NEK1: variants seen among roughly 807,000 people sequenced by gnomAD.
NEK1 encodes the protein NIMA related kinase 1, also known as serine/threonine-protein kinase Nek1.
A neutral mutation model predicts 182.1 loss-of-function variants in NEK1; 137 were observed. That is an observed-to-expected ratio of 0.75 (90% CI 0.65 to 0.87). The LOEUF (loss-of-function observed/expected upper bound fraction) is 0.87, where lower values mean the gene tolerates loss of function less well. Among genes scored for constraint, NEK1 ranks in the 40% least tolerant of loss-of-function variants. The pLI is 0.00. For missense variants in NEK1, 1,391 were observed against 1,494.4 expected (o/e 0.93, Z 1.14); for synonymous variants, 513 against 492.2 (o/e 1.04, Z -0.56).
intron 29 of NEK1, among the ~76,000 whole-genome samples, 154 bp from the exon 30 acceptor site, chr4:169,426,388 T>G (rs1736397606): frequency 6.6e-6 from 1 of 152,210 alleles, no homozygotes; most frequent in South Asian, 2.1e-4. Context: ...CTTTCTCACA[T>G]AAGTACAATG....
intron 18 of NEK1, among the ~76,000 whole-genome samples, chr4:169,547,603 G>C (rs973624435): frequency 6.6e-6 from 1 of 152,096 alleles, no homozygotes; most frequent in East Asian, 1.9e-4. Flanking sequence ...GTCACTTTCA[G>C]GTACACCAAA....
At chr4:169,519,705 G>A (rs1755725602) in intron 19 of NEK1, among the ~76,000 whole-genome samples, 1 of 55,848 alleles carries the variant, frequency 1.8e-5, no homozygotes, top group African/African-American at 6.8e-5. Context: ...AGGCCTGGTG[G>A]TGACAAAATC....
chr4:169,564,354 C>G (rs1053131418), intron 12 of NEK1, among the ~76,000 whole-genome samples: 5 of 151,996 alleles, frequency 3.3e-5, no homozygotes, highest in African/African-American at 9.7e-5. Context: ...AATAATCCAG[C>G]ATTTGATTAT....
chr4:169,604,153 C>G (rs1770956055), intron 2 of NEK1, among the ~76,000 whole-genome samples: 1 of 152,088 alleles, frequency 6.6e-6, no homozygotes, highest in African/African-American at 2.4e-5. Flanking sequence ...TCCTAGTTGC[C>G]TTTAAGTATA....
At chr4:169,497,868 G>C (rs1298404707) in intron 23 of NEK1, among the ~76,000 whole-genome samples, 1 of 152,206 alleles carries the variant, frequency 6.6e-6, no homozygotes, top group Admixed American at 6.5e-5. Context: ...GTGCTGAAAA[G>C]AATGTATATT....
intron 27 of NEK1, among the ~76,000 whole-genome samples, chr4:169,443,051 T>TTATC (rs58470007): frequency 0.3 from 42,864 of 141,510 alleles, 6,464 homozygotes; most frequent in South Asian, 0.33. Flanking sequence ...TAAAAATATT[T>TTATC]TATCTATCTA....
At chr4:169,589,667 C>T (rs1370154473) in intron 6 of NEK1, among the ~76,000 whole-genome samples, 153 bp from the exon 7 acceptor site, 2 of 152,052 alleles carry the variant, frequency 1.3e-5, no homozygotes, top group Non-Finnish European at 2.9e-5. Context: ...TCCCCTACCT[C>T]AAATCATAAA....
At chr4:169,456,190 C>CA (rs1742848107) in intron 27 of NEK1, among the ~76,000 whole-genome samples, 1 of 151,886 alleles carries the variant, frequency 6.6e-6, no homozygotes, top group African/African-American at 2.4e-5. Flanking sequence ...CACAATATAC[C>CA]AATACCTCTG....
chr4:169,488,156 G>C (rs1423493717), intron 23 of NEK1, among the ~76,000 whole-genome samples: 1 of 151,934 alleles, frequency 6.6e-6, no homozygotes, highest in African/African-American at 2.4e-5. Context: ...TTCTTTTGCT[G>C]TGCAAAAGCT....
rs1580781926 is a variant in NEK1, at chr4:169,562,164, A to C, written c.1053T>G (p.Thr351=). 6.5e-7 allele frequency: 1 copy of C among 1,549,878 alleles called. No individual in the cohort carries two copies. Among genetic ancestry groups the C allele is most frequent in the Non-Finnish European group, 8.7e-7 (1 of 1,145,102 alleles). ...CAGATATTTTCCTCCTTTCTTCTCC[A>C]GTATTCACTCTCTTCTCTGGAGTTT... The part of the protein sequence containing the change: ...AHQTPEKRVN[T]GEERRKISEE... The change falls in exon 13 of 36, where the codon ACT becomes ACG. Residue 351 remains threonine, a synonymous_variant. Coordinates refer to ENST00000507142, the MANE Select transcript of NEK1 (RefSeq NM_001199397.3).
At chr4:169,437,955 A>G in intron 28 of NEK1, 128 bp downstream of exon 28, 1 of 724,926 alleles carries the variant, frequency 1.4e-6, no homozygotes, top group Non-Finnish European at 2.1e-6. Context: ...TAAAAATATA[A>G]AAATACTGAA....
At chr4:169,577,735 C>T (rs906003361) in intron 11 of NEK1, among the ~76,000 whole-genome samples, 2 of 151,804 alleles carry the variant, frequency 1.3e-5, no homozygotes, top group Non-Finnish European at 2.9e-5. Flanking sequence ...GCCTGGGCGA[C>T]AGAATGAGAC....
intron 31 of NEK1, 72 bp downstream of exon 31, chr4:169,424,481 T>C (rs72691049): frequency 5.5e-6 from 8 of 1,456,510 alleles, no homozygotes; most frequent in Admixed American, 2.4e-5. Flanking sequence ...CTCAATATTA[T>C]GGTTTATAAA....
intron 27 of NEK1, among the ~76,000 whole-genome samples, chr4:169,455,581 T>A (rs917886993): frequency 2.6e-5 from 4 of 152,186 alleles, no homozygotes; most frequent in Non-Finnish European, 5.9e-5. Flanking sequence ...GTTATAAATA[T>A]ATATGCATCC....
intron 12 of NEK1, among the ~76,000 whole-genome samples, chr4:169,566,750 T>G (rs183729231): frequency 6.6e-6 from 1 of 152,260 alleles, no homozygotes; most frequent in East Asian, 1.9e-4. Context: ...AATTTCAACC[T>G]AAAAGATGCT....
At chr4:169,491,160 A>G (rs28792142) in intron 23 of NEK1, among the ~76,000 whole-genome samples, 13 of 125,750 alleles carry the variant, frequency 1.0e-4, no homozygotes, top group Non-Finnish European at 1.7e-4. Flanking sequence ...AAAAAAAAAA[A>G]AAAGAGAGAT....
At chr4:169,463,853 G>A (rs1475809461) in intron 26 of NEK1, among the ~76,000 whole-genome samples, 1 of 152,016 alleles carries the variant, frequency 6.6e-6, no homozygotes, top group Non-Finnish European at 1.5e-5. Context: ...GGCTAGTCTT[G>A]GACTCCTGGG....
chr4:169,571,076 G>A (rs1764734108), intron 12 of NEK1, among the ~76,000 whole-genome samples: 1 of 151,806 alleles, frequency 6.6e-6, no homozygotes, highest in Admixed American at 6.6e-5. Flanking sequence ...AGGAAAACCA[G>A]AGACCTTTGT....
intron 35 of NEK1, among the ~76,000 whole-genome samples, chr4:169,395,443 A>C (rs1444911067): frequency 6.6e-6 from 1 of 152,186 alleles, no homozygotes; most frequent in Non-Finnish European, 1.5e-5. Flanking sequence ...TACATTTTGC[A>C]TACTTCCATG....
Sources: allele counts gnomAD v4.1 joint callset (sites outside exome capture counted in the v4.1 genomes callset), GRCh38; gene constraint gnomAD v4.1.1; transcripts MANE v1.5; gene names NCBI Gene and HGNC (gene_info 2026-07-23, HGNC 2026-07-21).